Variants in PTPN9 observed in about 807,000 individuals in gnomAD.
PTPN9 encodes the protein protein tyrosine phosphatase non-receptor type 9, also known as tyrosine-protein phosphatase non-receptor type 9.
PTPN9 carries 26 observed loss-of-function variants against 69.8 expected under a neutral mutation model. That is an observed-to-expected ratio of 0.37 (90% CI 0.27 to 0.52). The LOEUF (loss-of-function observed/expected upper bound fraction) is 0.52. Among genes scored for constraint, PTPN9 ranks in the 20% least tolerant of loss-of-function variants. The pLI is 0.91. For synonymous variants in PTPN9, 274 were observed against 272.5 expected (o/e 1.01, Z -0.05); for missense variants, 549 against 740.3 (o/e 0.74, Z 3.00).
chr15:75,537,741 G>A (rs1418815785), intron 1 of PTPN9, among the ~76,000 whole-genome samples: 4 of 44,808 alleles, frequency 8.9e-5, no homozygotes, highest in South Asian at 7.0e-4. Context: ...GCAACAGAGG[G>A]AGACTCCATC....
At chr15:75,575,249 AGGCGT>A (rs2075166680) in intron 1 of PTPN9, among the ~76,000 whole-genome samples, 1 of 142,464 alleles carries the variant, frequency 7.0e-6, no homozygotes, top group Admixed American at 7.0e-5. Context: ...CTGGGATTAC[AGGCGT>A]GAGCCACCGC....
intron 7 of PTPN9, among the ~76,000 whole-genome samples, chr15:75,502,711 C>T (rs2074780532): frequency 6.6e-6 from 1 of 152,094 alleles, no homozygotes; most frequent in Non-Finnish European, 1.5e-5. Context: ...ACATACCCCT[C>T]CTCAAGAAGT....
At chr15:75,573,513 C>T (rs557332316) in intron 1 of PTPN9, among the ~76,000 whole-genome samples, 1 of 152,244 alleles carries the variant, frequency 6.6e-6, no homozygotes, top group Admixed American at 6.5e-5. Flanking sequence ...TCATGACTTT[C>T]AAAAACTATA....
At chr15:75,574,666 C>A (rs888488090) in intron 1 of PTPN9, among the ~76,000 whole-genome samples, 1 of 151,950 alleles carries the variant, frequency 6.6e-6, no homozygotes, top group East Asian at 2.0e-4. Context: ...AGGAGCCAGG[C>A]GCGGTGGCTC....
At chr15:75,470,023 G>A (rs201278900) in intron 11 of PTPN9, 24 bp from the exon 12 acceptor site, 245 of 1,574,862 alleles carry the variant, frequency 1.6e-4, no homozygotes, top group Admixed American at 3.2e-4. Context: ...AGAAGTAAAC[G>A]TTAACAAGGT....
At chr15:75,561,844 G>A (rs941238479) in intron 1 of PTPN9, among the ~76,000 whole-genome samples, 1 of 151,912 alleles carries the variant, frequency 6.6e-6, no homozygotes, top group African/African-American at 2.4e-5. Context: ...CAAGTAGCTG[G>A]GATTACAGGC....
chr15:75,504,057 C>T (rs1595955216), intron 7 of PTPN9, among the ~76,000 whole-genome samples: 3 of 125,394 alleles, frequency 2.4e-5, no homozygotes, highest in African/African-American at 3.1e-5. Flanking sequence ...CCCGGCCAGC[C>T]GACCCGTCCG....
intron 7 of PTPN9, among the ~76,000 whole-genome samples, chr15:75,503,561 C>G (rs1207557779): frequency 1.8e-5 from 2 of 110,974 alleles, no homozygotes; most frequent in Non-Finnish European, 3.9e-5. Flanking sequence ...GTCAGCCCCC[C>G]GCCCGGCCAG....
intron 1 of PTPN9, among the ~76,000 whole-genome samples, chr15:75,576,573 G>T (rs1271052470): frequency 6.6e-6 from 1 of 151,660 alleles, no homozygotes; most frequent in East Asian, 1.9e-4. Context: ...ACTTTTGGAG[G>T]ACGAGGCGGG....
At chr15:75,573,406 T>C (rs2075157810) in intron 1 of PTPN9, among the ~76,000 whole-genome samples, 1 of 152,204 alleles carries the variant, frequency 6.6e-6, no homozygotes. Context: ...GTAGGCTTTA[T>C]AATTATTGAG....
chr15:75,510,236 G>T (rs2141313649), intron 5 of PTPN9, among the ~76,000 whole-genome samples: 1 of 151,950 alleles, frequency 6.6e-6, no homozygotes, highest in African/African-American at 2.4e-5. Flanking sequence ...TGTTTGCTTG[G>T]CTGCTCTGTT....
At chr15:75,481,325 G>T (rs1256947134) in intron 8 of PTPN9, among the ~76,000 whole-genome samples, 4 of 56,784 alleles carry the variant, frequency 7.0e-5, no homozygotes, top group African/African-American at 2.6e-4. Flanking sequence ...CAGCCACCCC[G>T]TCCGGGAGGG....
chr15:75,473,886 C>T (rs2074582085), intron 9 of PTPN9, 119 bp from the exon 10 acceptor site: 3 of 708,834 alleles, frequency 4.2e-6, no homozygotes, highest in South Asian at 1.7e-5. Context: ...GCTCCCTGCT[C>T]ATCTTTCCAC....
chr15:75,503,722 G>A (rs1595954950), intron 7 of PTPN9, among the ~76,000 whole-genome samples: 2 of 136,234 alleles, frequency 1.5e-5, no homozygotes, highest in Admixed American at 7.1e-5. Context: ...GAGGGAGGTG[G>A]GGGAGTCAGC....
intron 1 of PTPN9, among the ~76,000 whole-genome samples, chr15:75,555,178 T>A (rs908032250): frequency 9.2e-5 from 14 of 152,196 alleles, no homozygotes; most frequent in African/African-American, 3.4e-4. Context: ...CAGGGAACAG[T>A]TCAGTTCTAG....
intron 8 of PTPN9, among the ~76,000 whole-genome samples, chr15:75,485,020 C>T (rs1028177869): frequency 2.0e-5 from 3 of 152,170 alleles, no homozygotes; most frequent in South Asian, 2.1e-4. Flanking sequence ...GTGATAAACT[C>T]GGAGTTTTCC....
chr15:75,478,867 G>C (rs1285071755), intron 9 of PTPN9, among the ~76,000 whole-genome samples: 2 of 152,176 alleles, frequency 1.3e-5, no homozygotes, highest in Non-Finnish European at 2.9e-5. Context: ...GTGGTCAAAG[G>C]GCCTTACGCC....
intron 1 of PTPN9, among the ~76,000 whole-genome samples, chr15:75,531,301 G>A (rs939203753): frequency 1.3e-5 from 2 of 152,098 alleles, no homozygotes; most frequent in African/African-American, 4.8e-5. Flanking sequence ...AAAGAGCCAA[G>A]AAATAAAGGC....
intron 8 of PTPN9, among the ~76,000 whole-genome samples, chr15:75,487,106 G>C (rs2074683070): frequency 6.6e-6 from 1 of 151,914 alleles, no homozygotes; most frequent in Middle Eastern, 3.4e-3. Context: ...ATATTAACTA[G>C]CTTGACTTAG....
Sources: allele counts gnomAD v4.1 joint callset (sites outside exome capture counted in the v4.1 genomes callset), GRCh38; gene constraint gnomAD v4.1.1; transcripts MANE v1.5; gene names NCBI Gene and HGNC (gene_info 2026-07-23, HGNC 2026-07-21).